The following FCGR3B variants were observed in gnomAD, a reference collection of about 807,000 sequenced individuals.
The protein encoded by FCGR3B is low affinity immunoglobulin gamma Fc region receptor III-B.
Under a neutral mutation model 26.7 loss-of-function variants are expected in FCGR3B, and 20 were observed. That is an observed-to-expected ratio of 0.75 (90% confidence interval 0.53 to 1.09). FCGR3B has a LOEUF of 1.09. Ranked by LOEUF, FCGR3B falls within the 50% of genes least tolerant of loss-of-function variation. The pLI is 0.00. For synonymous variants in FCGR3B, 79 were observed against 107.0 expected (o/e 0.74, Z 1.62); for missense variants, 191 against 279.7 (o/e 0.68, Z 2.26).
At chr1:161,630,418 G>T in intron 1 of FCGR3B, 30 bp from the exon 2 acceptor site, 1 of 1,599,658 alleles carries the variant, frequency 6.3e-7, no homozygotes, top group East Asian at 2.2e-5. Flanking sequence ...ATCAAATATT[G>T]AGTAGGGGCA....
chr1:161,624,828 A>G (rs1174927970), intron 4 of FCGR3B, among the ~76,000 whole-genome samples, 189 bp from the exon 5 acceptor site: 3 of 148,340 alleles, frequency 2.0e-5, no homozygotes, highest in African/African-American at 7.6e-5. Context: ...ATCTGAGCAG[A>G]GGACAGCTCA....
At position 161,626,889 on chromosome 1, in the gene FCGR3B, C is replaced by T. The variant is rs550132407; in HGVS notation, c.320-487G>A. Among the ~76,000 whole-genome samples the T allele has an allele frequency of 6.7e-5, 10 of 150,296 alleles. No individual in the cohort carries two copies. The South Asian group carries it at 1.3e-3, about 19-fold the overall frequency. ...TGGCCTTCAGGAATAAGCTGACGGT[C>T]GCCACAGAGTGGCTGCAGAAATTGT... On this transcript the variant is annotated intron_variant, in intron 3 of 4. Transcript: ENST00000650385.
chr1:161,627,269 T>C (rs1287581153), intron 3 of FCGR3B, among the ~76,000 whole-genome samples: 2 of 150,290 alleles, frequency 1.3e-5, no homozygotes, highest in African/African-American at 5.0e-5. Context: ...AAAAGTATTA[T>C]GCACAGAAAA....
At position 161,630,917 on chromosome 1, in the gene FCGR3B, G is replaced by A. The variant is rs1051244358; in HGVS notation, c.40+138C>T. Reference sequence around the variant, plus strand: ...TTCTAGCCCCATCTTGGCTTGTCCTGGTAGCTCAATCCACAGCTATAGATG... The same window carrying A: ...TTCTAGCCCCATCTTGGCTTGTCCTAGTAGCTCAATCCACAGCTATAGATG... On this transcript the variant is annotated intron_variant, in intron 1 of 4. Transcript: ENST00000650385. The A allele has an allele frequency of 2.0e-5, 29 of 1,453,996 alleles. 1 individual carries two copies. Among genetic ancestry groups the A allele is most frequent in the Admixed American group, 2.7e-5 (1 of 37,550 alleles). 90.1% of individuals were successfully genotyped at this position (1,453,996 alleles called of 1,614,324 possible).
At chr1:161,631,472 AG>A, upstream of FCGR3B, 2 of 507,420 alleles carry the variant, frequency 3.9e-6, no homozygotes, top group South Asian at 6.8e-5. Flanking sequence ...TGGGACAGCA[AG>A]ACCCTGGGGA....
intron 3 of FCGR3B, among the ~76,000 whole-genome samples, chr1:161,627,387 C>G (rs35139848): frequency 0.31 from 46,106 of 148,992 alleles, 8,093 homozygotes; most frequent in Admixed American, 0.42. Flanking sequence ...GAAATTGACC[C>G]GAAACGTAAT....
At chr1:161,625,076 T>C (rs1402359958) in intron 4 of FCGR3B, among the ~76,000 whole-genome samples, 2 of 144,516 alleles carry the variant, frequency 1.4e-5, no homozygotes, top group Non-Finnish European at 3.1e-5. Context: ...CGTATATCCT[T>C]TACCCAGATC....
At chr1:161,626,027 C>T in intron 4 of FCGR3B, 118 bp downstream of exon 4, 1 of 1,215,386 alleles carries the variant, frequency 8.2e-7, no homozygotes, top group Non-Finnish European at 1.2e-6. Context: ...CAGGAGGGAA[C>T]CACATATGAA....
At chr1:161,630,937 T>C (rs543605685) in intron 1 of FCGR3B, 118 bp downstream of exon 1, 3 of 1,477,316 alleles carry the variant, frequency 2.0e-6, no homozygotes, top group East Asian at 2.4e-5. Flanking sequence ...TCCACAGCTA[T>C]AGATGTGGTG....
In FCGR3B at chr1:161,624,541, A is replaced by G. The variant is rs1405491786; in HGVS notation, c.676T>C (p.Tyr226His). Residue 226 changes from tyrosine to histidine, a missense_variant, in exon 5 of 5, where the codon TAT becomes CAT. This residue lies in a region of FCGR3B where 103 missense variants were observed against 114.5 expected (regional missense o/e 0.90). Transcript: ENST00000650385. ...CAAATGTTTGTCTTCACAGAGAAAT[A>G]TAGTCCTGTGTCCACTGCAAAAAGG... ...VLLFAVDTGL[Y>H]FSVKTNI The G allele has an allele frequency of 6.2e-7, 1 of 1,607,154 alleles. No individual in the cohort carries two copies. The highest frequency in any genetic ancestry group is 1.4e-5 in the African/African-American group (1 of 73,132).
At chr1:161,630,417 T>C (rs1178974327) in intron 1 of FCGR3B, 29 bp from the exon 2 acceptor site, 1 of 1,600,266 alleles carries the variant, frequency 6.2e-7, no homozygotes, top group Admixed American at 1.7e-5. Context: ...AATCAAATAT[T>C]GAGTAGGGGC....
intron 3 of FCGR3B, among the ~76,000 whole-genome samples, chr1:161,627,416 A>T (rs72702132): frequency 0.31 from 46,822 of 149,370 alleles, 8,232 homozygotes; most frequent in Admixed American, 0.42. Context: ...AACTAAATTT[A>T]CTGTAATTTT....
rs1008628103 is a variant in FCGR3B at position 161,624,104 on chromosome 1, G to A, written c.*411C>T. 7 of 168,082 alleles carry A rather than the reference G, an allele frequency of 4.2e-5. No individual in the cohort carries two copies. The highest frequency in any genetic ancestry group is 8.9e-5 in the Non-Finnish European group (7 of 78,508). 10.4% of individuals were successfully genotyped at this position (168,082 alleles called of 1,614,324 possible). ...TTTTCTTTTTTTCCCTCTAAACTGG[G>A]TAATTTATAATACGAGCAATTTTTG... On this transcript the variant is annotated 3_prime_UTR_variant, in exon 5 of 5. Coordinates refer to ENST00000650385, the MANE Select transcript of FCGR3B (RefSeq NM_001244753.2).
chr1:161,626,866 G>A (rs988011681), intron 3 of FCGR3B, among the ~76,000 whole-genome samples: 20 of 150,360 alleles, frequency 1.3e-4, no homozygotes, highest in Non-Finnish European at 1.6e-4. Flanking sequence ...GACTCTTGTG[G>A]CCTTCAGGAA....
Position 161,628,001 on chromosome 1 carries a change from C to T in FCGR3B, c.320-1599G>A, listed in dbSNP as rs571450748. On this transcript the variant is annotated intron_variant, in intron 3 of 4. Coordinates refer to ENST00000650385, the MANE Select transcript of FCGR3B (RefSeq NM_001244753.2). Reference sequence around the variant, plus strand: ...AGAAGTAAAAAATGCAGGCTGGGCGCGGTGGCTCACATCTGTAATCCTAGT... The same window carrying T: ...AGAAGTAAAAAATGCAGGCTGGGCGTGGTGGCTCACATCTGTAATCCTAGT... 8.0e-5 allele frequency among the ~76,000 whole-genome samples: 12 copies of T among 150,274 alleles called. No individual in the cohort carries two copies. In the South Asian group the frequency reaches 8.5e-4, roughly 11 times the overall value.
chr1:161,630,088 A>G (rs1679663139), intron 2 of FCGR3B, 53 bp from the exon 3 acceptor site: 2 of 1,372,120 alleles, frequency 1.5e-6, no homozygotes, highest in African/African-American at 3.6e-5. Flanking sequence ...CAGGCTCTAC[A>G]CTGCCATTCC....
rs1052814892 is a variant in FCGR3B at position 161,624,094 on chromosome 1, T to C, written c.*421A>G. 10 of 156,868 alleles carry C rather than the reference T, an allele frequency of 6.4e-5. 1 individual carries two copies. The highest frequency in any genetic ancestry group is 2.6e-4 in the African/African-American group (10 of 38,186). The allele number at this position is 156,868 out of a possible 1,614,324, so 9.7% of individuals were successfully genotyped here. A position where few individuals can be genotyped will look rare whatever the true frequency, so the allele number is the denominator to read the frequency against. Reference sequence around the variant, plus strand: ...GGAATAATTATTTTCTTTTTTTCCCTCTAAACTGGGTAATTTATAATACGA... The same window carrying C: ...GGAATAATTATTTTCTTTTTTTCCCCCTAAACTGGGTAATTTATAATACGA... On this transcript the variant is annotated 3_prime_UTR_variant, in exon 5 of 5. Coordinates refer to ENST00000650385, the MANE Select transcript of FCGR3B (RefSeq NM_001244753.2).
chr1:161,631,083 C>A lies in FCGR3B; in HGVS notation c.12G>T (p.Leu4=). The change falls in exon 1 of 5, where the codon CTG becomes CTT. Residue 4 remains leucine, a synonymous_variant. Coordinates refer to ENST00000650385, the MANE Select transcript of FCGR3B (RefSeq NM_001244753.2). MWQ[L]LLPTALLLLV... is the part of the protein sequence containing the mutation. ...GAAGTAGCAGAGCAGTTGGGAGGAG[C>A]AGCTGCCACATGATGCCACACTGGA... is the stretch of plus-strand genomic sequence containing the variant. The A allele has an allele frequency of 6.8e-6, 11 of 1,607,126 alleles. No homozygotes were observed. Among genetic ancestry groups the A allele is most frequent in the Non-Finnish European group, 8.5e-6 (10 of 1,177,316 alleles).
chr1:161,631,575 C>G (rs2102598000), upstream of FCGR3B: 1 of 379,490 alleles, frequency 2.6e-6, no homozygotes, highest in Admixed American at 4.3e-5. Context: ...ACCCATCTAT[C>G]TCCAGCCGAG....
Sources: allele counts gnomAD v4.1 joint callset (sites outside exome capture counted in the v4.1 genomes callset), GRCh38; gene constraint gnomAD v4.1.1; regional missense constraint gnomAD v4.1.1; transcripts MANE v1.5; gene names NCBI Gene and HGNC (gene_info 2026-07-23, HGNC 2026-07-21).